FRMD4A: variants seen among roughly 807,000 people sequenced by gnomAD.
The protein encoded by FRMD4A is FERM domain containing 4A.
FRMD4A carries 29 observed loss-of-function variants against 129.1 expected under a neutral mutation model. That is an observed-to-expected ratio of 0.22 (90% CI 0.17 to 0.31). FRMD4A has a LOEUF of 0.31. Ranked by LOEUF, FRMD4A falls within the 10% of genes least tolerant of loss-of-function variation. FRMD4A has a pLI of 1.00. For synonymous variants in FRMD4A, 634 were observed against 571.6 expected (o/e 1.11, Z -1.56); for missense variants, 1,272 against 1,375.8 (o/e 0.92, Z 1.19).
chr10:14,172,216 A>G (rs2131886963), intron 2 of FRMD4A, among the ~76,000 whole-genome samples: 1 of 152,328 alleles, frequency 6.6e-6, no homozygotes, highest in African/African-American at 2.4e-5. Flanking sequence ...CACATACACA[A>G]ATCCCTTGAA....
At chr10:14,252,367 G>A (rs982371733) in intron 2 of FRMD4A, among the ~76,000 whole-genome samples, 1 of 152,154 alleles carries the variant, frequency 6.6e-6, no homozygotes, top group Non-Finnish European at 1.5e-5. Context: ...ACATTATTAA[G>A]AATGTTCTTT....
intron 2 of FRMD4A, among the ~76,000 whole-genome samples, chr10:13,905,571 C>A (rs2094873278): frequency 6.6e-6 from 1 of 152,042 alleles, no homozygotes; most frequent in Non-Finnish European, 1.5e-5. Context: ...ATGATCAGCT[C>A]ATAATAATAG....
chr10:14,091,861 T>G (rs1426914022), intron 2 of FRMD4A, among the ~76,000 whole-genome samples: 1 of 152,204 alleles, frequency 6.6e-6, no homozygotes, highest in Non-Finnish European at 1.5e-5. Flanking sequence ...TATCTTTAAG[T>G]CTCCAACTGG....
chr10:13,836,509 G>A (rs948448591), intron 3 of FRMD4A, among the ~76,000 whole-genome samples: 5 of 152,116 alleles, frequency 3.3e-5, no homozygotes, highest in East Asian at 1.9e-4. Context: ...ACAGAAATGC[G>A]AAGTGGCTTG....
intron 2 of FRMD4A, among the ~76,000 whole-genome samples, chr10:14,101,633 T>A (rs1003069146): frequency 3.9e-5 from 6 of 152,228 alleles, no homozygotes; most frequent in Non-Finnish European, 8.8e-5. Flanking sequence ...TGACACGTTC[T>A]ACTTATGTCA....
chr10:14,000,668 A>AAAAAAAAAAAAAAAAAAAAAAAAAAAG (rs1555009702), intron 2 of FRMD4A, among the ~76,000 whole-genome samples: 10 of 74,630 alleles, frequency 1.3e-4, no homozygotes, highest in Admixed American at 4.2e-4. Flanking sequence ...AAAAAAAAAA[A>AAAAAAAAAAAAAAAAAAAAAAAAAAAG]GAGAAGAAAG....
chr10:13,958,281 G>GTTTT lies in FRMD4A; in HGVS notation c.46-99373_46-99370dup, dbSNP rs35369777. On this transcript the variant is annotated intron_variant, in intron 2 of 24. Coordinates refer to ENST00000357447, the MANE Select transcript of FRMD4A (RefSeq NM_018027.5). ...CGCGTGAACAACAGCCATGACCATT[G>GTTTT]TTTTTTTTTTTTTTTTTTTTGGAGA... Among the ~76,000 whole-genome samples the GTTTT allele has an allele frequency of 1.3e-3, 131 of 104,606 alleles. 7 individuals are homozygous for GTTTT. The highest frequency in any genetic ancestry group is 3.7e-3 in the African/African-American group (99 of 26,614). The allele number at this position is 104,606 out of a possible 152,430, so 68.6% of individuals were successfully genotyped here.
At chr10:14,246,825 CAGG>C (rs1844259392) in intron 2 of FRMD4A, among the ~76,000 whole-genome samples, 1 of 152,016 alleles carries the variant, frequency 6.6e-6, no homozygotes, top group African/African-American at 2.4e-5. Context: ...AGACTAAACA[CAGG>C]AGAAGAAAGA....
chr10:13,909,510 A>G (rs944673392), intron 2 of FRMD4A, among the ~76,000 whole-genome samples: 16 of 152,260 alleles, frequency 1.1e-4, no homozygotes, highest in African/African-American at 3.9e-4. Context: ...GCATGGAAAC[A>G]TAAGATAACC....
chr10:14,030,036 G>A (rs913648324), intron 2 of FRMD4A, among the ~76,000 whole-genome samples: 1 of 152,166 alleles, frequency 6.6e-6, no homozygotes, highest in African/African-American at 2.4e-5. Context: ...TCACTTCTAG[G>A]TAGAAGGCTA....
intron 12 of FRMD4A, among the ~76,000 whole-genome samples, chr10:13,733,986 C>T (rs140236741): frequency 1.9e-3 from 283 of 152,332 alleles, no homozygotes; most frequent in African/African-American, 2.8e-3. Flanking sequence ...TGCCCAACTG[C>T]CTACTAGTCA....
intron 2 of FRMD4A, among the ~76,000 whole-genome samples, chr10:14,227,552 C>T (rs1485683119): frequency 2.0e-5 from 3 of 151,958 alleles, no homozygotes; most frequent in Non-Finnish European, 4.4e-5. Context: ...GTGCCCAGCC[C>T]TCTCTTTAGT....
At chr10:13,952,935 G>T (rs1588513070) in intron 2 of FRMD4A, among the ~76,000 whole-genome samples, 1 of 152,242 alleles carries the variant, frequency 6.6e-6, no homozygotes, top group Non-Finnish European at 1.5e-5. Flanking sequence ...GACCTCAGAT[G>T]ATCCACCCGC....
intron 2 of FRMD4A, among the ~76,000 whole-genome samples, chr10:13,868,010 C>T (rs1422503717): frequency 6.8e-6 from 1 of 147,952 alleles, no homozygotes; most frequent in East Asian, 2.0e-4. Flanking sequence ...TCCCAGCTAC[C>T]TAGGAGGCTA....
intron 2 of FRMD4A, among the ~76,000 whole-genome samples, chr10:14,112,046 G>A (rs1837937916): frequency 6.6e-6 from 1 of 151,886 alleles, no homozygotes; most frequent in Admixed American, 6.6e-5. Context: ...CAAACAGAAT[G>A]ATGAAATAGC....
intron 6 of FRMD4A, among the ~76,000 whole-genome samples, chr10:13,776,793 T>G (rs114205206): frequency 0.011 from 1,675 of 152,264 alleles, 31 homozygotes; most frequent in African/African-American, 0.038. Context: ...AACCCAGGCA[T>G]CCGGGTATCA....
Position 13,858,885 on chromosome 10 carries a change from G to A in FRMD4A, c.73C>T (p.His25Tyr), listed in dbSNP as rs762647877. Residue 25 changes from histidine to tyrosine, a missense_variant, in exon 3 of 25, where the codon CAT becomes TAT. Physicochemically the swap from His to Tyr is moderately conservative, Grantham distance 83. Transcript: ENST00000357447. ...TCCAGCTTCCTGTCATCAAGAAGAT[G>A]TACTTGACATCGGCGGCCCTCCGTC... ...MMTEGRRCQVHLLDDRKLELL... is the reference protein window; with the variant it reads ...MMTEGRRCQVYLLDDRKLELL... 5 of 1,605,374 alleles carry A rather than the reference G, an allele frequency of 3.1e-6. No homozygotes were observed. The African/African-American group carries it at 5.4e-5, about 17-fold the overall frequency.
chr10:13,719,653 A>C (rs2089231507), intron 12 of FRMD4A, among the ~76,000 whole-genome samples: 1 of 152,108 alleles, frequency 6.6e-6, no homozygotes, highest in African/African-American at 2.4e-5. Context: ...AAGAAGAAGG[A>C]GGGGGAAAAA....
intron 2 of FRMD4A, among the ~76,000 whole-genome samples, chr10:14,167,227 G>T (rs2131879348): frequency 6.6e-6 from 1 of 152,054 alleles, no homozygotes; most frequent in East Asian, 1.9e-4. Flanking sequence ...TGCCAATAAA[G>T]TTAAATAAAG....
Sources: allele counts gnomAD v4.1 joint callset (sites outside exome capture counted in the v4.1 genomes callset), GRCh38; gene constraint gnomAD v4.1.1; transcripts MANE v1.5; gene names NCBI Gene and HGNC (gene_info 2026-07-23, HGNC 2026-07-21).